The following FHIT variants were observed in gnomAD, a reference collection of about 807,000 sequenced individuals.
FHIT encodes fragile histidine triad diadenosine triphosphatase.
Under a neutral mutation model 17.9 loss-of-function variants are expected in FHIT, and 19 were observed. That is an observed-to-expected ratio of 1.06 (90% CI 0.74 to 1.56). The LOEUF (loss-of-function observed/expected upper bound fraction) is 1.56. Ranked by LOEUF, FHIT falls within the 40% of genes most tolerant of loss-of-function variation. The probability of loss-of-function intolerance (pLI) is 0.00; values close to 1 mark genes in which losing one functional copy is unlikely to be tolerated. For synonymous variants in FHIT, 81 were observed against 69.7 expected, an observed-to-expected ratio of 1.16 and a Z score of -0.81; for missense variants, 248 against 189.2, an observed-to-expected ratio of 1.31 and a Z score of -1.82.
At chr3:59,883,501 T>C (rs909810241) in intron 8 of FHIT, among the ~76,000 whole-genome samples, 2 of 152,224 alleles carry the variant, frequency 1.3e-5, no homozygotes, top group Non-Finnish European at 2.9e-5. Context: ...AGGAGACTTA[T>C]TCACTACGAC....
intron 3 of FHIT, among the ~76,000 whole-genome samples, chr3:61,025,064 C>G (rs1248820287): frequency 6.6e-6 from 1 of 152,134 alleles, no homozygotes; most frequent in African/African-American, 2.4e-5. Context: ...GTGTTTTCAT[C>G]CCTATATAGC....
chr3:60,972,092 T>C (rs1335161610), intron 3 of FHIT, among the ~76,000 whole-genome samples: 1 of 152,194 alleles, frequency 6.6e-6, no homozygotes, highest in East Asian at 1.9e-4. Flanking sequence ...CTATCTTTAG[T>C]TATAGGACTT....
intron 1 of FHIT, among the ~76,000 whole-genome samples, chr3:61,246,228 C>T (rs1486393594): frequency 2.0e-5 from 3 of 152,206 alleles, no homozygotes; most frequent in Admixed American, 2.0e-4. Context: ...ACCCTCAGGA[C>T]TGCTCCGTCT....
chr3:60,489,764 G>A (rs1293331184), intron 5 of FHIT, among the ~76,000 whole-genome samples: 2 of 152,150 alleles, frequency 1.3e-5, no homozygotes, highest in Admixed American at 6.5e-5. Context: ...TCACCCTAAT[G>A]TCTTTTTCAG....
At chr3:60,288,246 G>A (rs537035557) in intron 5 of FHIT, among the ~76,000 whole-genome samples, 122 of 152,270 alleles carry the variant, frequency 8.0e-4, no homozygotes, top group African/African-American at 2.7e-3. Flanking sequence ...AAGATTTTAT[G>A]ACCTAGACTC....
At chr3:60,046,725 T>A (rs1379049605) in intron 5 of FHIT, among the ~76,000 whole-genome samples, 1 of 152,094 alleles carries the variant, frequency 6.6e-6, no homozygotes, top group Admixed American at 6.5e-5. Flanking sequence ...GTAGAAAAAT[T>A]TTGTCTGTAA....
chr3:59,912,347 T>G (rs1575684676), intron 8 of FHIT, among the ~76,000 whole-genome samples: 1 of 152,214 alleles, frequency 6.6e-6, no homozygotes, highest in East Asian at 1.9e-4. Flanking sequence ...GAAAATAATT[T>G]AGGAAAACAA....
chr3:60,516,114 CTG>C (rs2035144884), intron 5 of FHIT, among the ~76,000 whole-genome samples: 1 of 152,178 alleles, frequency 6.6e-6, no homozygotes, highest in African/African-American at 2.4e-5. Context: ...CTGTTGGTCT[CTG>C]TACCTCTTCA....
chr3:60,579,998 C>T (rs1203859954), intron 4 of FHIT, among the ~76,000 whole-genome samples: 5 of 152,052 alleles, frequency 3.3e-5, no homozygotes, highest in African/African-American at 7.2e-5. Context: ...CAATAGCAGA[C>T]GTGATGCTTA....
intron 4 of FHIT, among the ~76,000 whole-genome samples, chr3:60,561,133 T>C (rs940865788): frequency 3.9e-5 from 6 of 152,028 alleles, no homozygotes; most frequent in African/African-American, 1.4e-4. Flanking sequence ...GAGCCTACTG[T>C]TGTACACCAA....
At chr3:60,541,296 T>C (rs2036178000) in intron 4 of FHIT, among the ~76,000 whole-genome samples, 1 of 152,228 alleles carries the variant, frequency 6.6e-6, no homozygotes, top group South Asian at 2.1e-4. Flanking sequence ...GCTTCAGATA[T>C]TTGGAGTTAG....
At chr3:60,388,781 A>T (rs1278585702) in intron 5 of FHIT, among the ~76,000 whole-genome samples, 1 of 152,182 alleles carries the variant, frequency 6.6e-6, no homozygotes, top group Non-Finnish European at 1.5e-5. Context: ...TTGTGTTCCA[A>T]GTTTCCATGC....
At chr3:60,319,624 C>T (rs1415295474) in intron 5 of FHIT, among the ~76,000 whole-genome samples, 4 of 152,114 alleles carry the variant, frequency 2.6e-5, no homozygotes, top group Non-Finnish European at 5.9e-5. Flanking sequence ...AAATTTGTCT[C>T]ATGAGCACAT....
intron 4 of FHIT, among the ~76,000 whole-genome samples, chr3:60,687,526 C>T (rs782689792): frequency 6.6e-6 from 1 of 152,080 alleles, no homozygotes; most frequent in Non-Finnish European, 1.5e-5. Flanking sequence ...GTAGGCAGAA[C>T]ATGGAGGCTG....
At chr3:60,392,143 T>C (rs1701257521) in intron 5 of FHIT, among the ~76,000 whole-genome samples, 1 of 152,202 alleles carries the variant, frequency 6.6e-6, no homozygotes, top group African/African-American at 2.4e-5. Flanking sequence ...ACTAACTTGT[T>C]GTAACATGTC....
intron 7 of FHIT, among the ~76,000 whole-genome samples, chr3:60,005,356 T>C (rs1464668275): frequency 2.0e-5 from 3 of 152,036 alleles, no homozygotes; most frequent in African/African-American, 4.8e-5. Flanking sequence ...GAGGGTTTAG[T>C]AGGAGAGAGG....
chr3:60,751,534 G>C (rs1228059199), intron 4 of FHIT, among the ~76,000 whole-genome samples: 3 of 152,226 alleles, frequency 2.0e-5, no homozygotes, highest in African/African-American at 7.2e-5. Context: ...ATGGCATAAT[G>C]TCCAACCTCA....
intron 8 of FHIT, among the ~76,000 whole-genome samples, chr3:59,873,697 C>T (rs996499366): frequency 2.0e-5 from 3 of 152,126 alleles, no homozygotes; most frequent in African/African-American, 7.2e-5. Flanking sequence ...ACACATGCCT[C>T]CAGACAATGC....
intron 3 of FHIT, among the ~76,000 whole-genome samples, chr3:60,984,016 C>T (rs1047992770): frequency 6.6e-6 from 1 of 152,120 alleles, no homozygotes; most frequent in Non-Finnish European, 1.5e-5. Context: ...GAAAAATCCA[C>T]CAAAGGGAAG....
Sources: allele counts gnomAD v4.1 joint callset (sites outside exome capture counted in the v4.1 genomes callset), GRCh38; gene constraint gnomAD v4.1.1; transcripts MANE v1.5; gene names NCBI Gene and HGNC (gene_info 2026-07-23, HGNC 2026-07-21).